The following BTG4 variants were observed in gnomAD, a reference collection of about 807,000 sequenced individuals.
BTG4 encodes the protein BTG anti-proliferation factor 4, also known as protein BTG4.
Under a neutral mutation model 19.3 loss-of-function variants are expected in BTG4, and 10 were observed. The ratio of observed to expected loss-of-function variants is 0.52; its 90% CI spans 0.32 to 0.88. The LOEUF is 0.88. Among genes scored for constraint, BTG4 ranks in the 40% least tolerant of loss-of-function variants. BTG4 has a pLI of 0.04. For synonymous variants in BTG4, 91 were observed against 95.7 expected (o/e 0.95, Z 0.29); for missense variants, 238 against 281.9 (o/e 0.84, Z 1.11).
downstream of BTG4, among the ~76,000 whole-genome samples, chr11:111,465,413 G>C (rs1244246819): frequency 2.0e-5 from 3 of 152,024 alleles, no homozygotes; most frequent in African/African-American, 7.3e-5. Context: ...GACAAAAGAA[G>C]AATAAAAATT....
At chr11:111,444,807 A>G in the BTG4 span, among the ~76,000 whole-genome samples, 1 of 152,188 alleles carries the variant, frequency 6.6e-6, no homozygotes, top group Non-Finnish European at 1.5e-5. Flanking sequence ...AATGGTGGAA[A>G]GAGGGTGGCT....
chr11:111,467,457 G>A (rs1863788516), downstream of BTG4: 4 of 491,652 alleles, frequency 8.1e-6, no homozygotes, highest in African/African-American at 2.0e-5. Context: ...ATGCCCCAAT[G>A]CATTTACTTC....
chr11:111,482,641 A>G (rs1023687324), intron 5 of BTG4, among the ~76,000 whole-genome samples: 11 of 152,196 alleles, frequency 7.2e-5, no homozygotes, highest in Non-Finnish European at 1.3e-4. Context: ...ACCCACAGTG[A>G]TATACTCAAC....
At chr11:111,442,229 G>A in the BTG4 span, among the ~76,000 whole-genome samples, 10 of 151,824 alleles carry the variant, frequency 6.6e-5, no homozygotes, top group Admixed American at 2.0e-4. Flanking sequence ...GATCAGGTGC[G>A]GTGGCTCACG....
At chr11:111,501,621 A>G (rs1300654450) in intron 1 of BTG4, among the ~76,000 whole-genome samples, 1 of 152,242 alleles carries the variant, frequency 6.6e-6, no homozygotes, top group Non-Finnish European at 1.5e-5. Flanking sequence ...CAGTAGACAA[A>G]TTATAGGTAA....
At chr11:111,398,751 G>T in the BTG4 span, among the ~76,000 whole-genome samples, 664 of 152,152 alleles carry the variant, frequency 4.4e-3, 4 homozygotes, top group African/African-American at 0.015. Flanking sequence ...GTCAGGCCTG[G>T]TGGTGAGTGA....
At chr11:111,513,847 ATT>A (rs543046119), upstream of BTG4, among the ~76,000 whole-genome samples, 33 of 152,322 alleles carry the variant, frequency 2.2e-4, no homozygotes, top group South Asian at 1.7e-3. Flanking sequence ...TGAAAGTAAT[ATT>A]GTTAGTAATA....
chr11:111,446,624 A>AACACACACACACACACACAC, the BTG4 span, among the ~76,000 whole-genome samples: 23 of 146,842 alleles, frequency 1.6e-4, no homozygotes, highest in Admixed American at 5.4e-4. Flanking sequence ...GACACCAATA[A>AACACACACACACACACACAC]ACACACACAC....
intron 1 of BTG4, among the ~76,000 whole-genome samples, chr11:111,506,236 G>T: frequency 6.6e-6 from 1 of 151,950 alleles, no homozygotes; most frequent in East Asian, 1.9e-4. Context: ...CTACATGTCT[G>T]CCAACTGTTG....
rs535796125 is a variant in BTG4, at chr11:111,485,871, AG to A, written c.662+9291del. Reference sequence around the variant, plus strand: ...GATTAAGAAAAAAGATCTTTCCTGTAGGAGTAGCTAAAAAGGAAAAAAGAGA... The same window carrying A: ...GATTAAGAAAAAAGATCTTTCCTGTAGAGTAGCTAAAAAGGAAAAAAGAGA... On this transcript the variant is annotated intron_variant, in intron 5 of 5. Transcript: ENST00000356018. 9.8e-5 allele frequency among the ~76,000 whole-genome samples: 15 copies of A among 152,310 alleles called. No homozygotes were observed. The South Asian group carries it at 2.9e-3, about 29-fold the overall frequency.
the BTG4 span, chr11:111,418,033 C>G: frequency 6.6e-6 from 1 of 152,214 alleles, no homozygotes; most frequent in Admixed American, 6.5e-5. Context: ...TGGCTGTGTT[C>G]CTGTTGTTAT....
the BTG4 span, among the ~76,000 whole-genome samples, chr11:111,405,813 G>A: frequency 2.0e-5 from 3 of 152,140 alleles, no homozygotes; most frequent in African/African-American, 7.2e-5. Flanking sequence ...ACCTCTCTGT[G>A]CCTTAGTTTT....
chr11:111,441,043 T>C, the BTG4 span, among the ~76,000 whole-genome samples: 1 of 151,852 alleles, frequency 6.6e-6, no homozygotes, highest in African/African-American at 2.4e-5. Flanking sequence ...GTGGCAGTCA[T>C]CTGGCAGAGT....
chr11:111,446,308 A>G, the BTG4 span, among the ~76,000 whole-genome samples: 4 of 152,208 alleles, frequency 2.6e-5, no homozygotes, highest in Admixed American at 1.3e-4. Flanking sequence ...TCTTAACACA[A>G]TAAGTGGGGT....
the BTG4 span, among the ~76,000 whole-genome samples, chr11:111,392,919 A>G: frequency 1.3e-5 from 2 of 152,200 alleles, no homozygotes; most frequent in South Asian, 2.1e-4. Context: ...TGCCTGGCAA[A>G]TAGTAAGCAC....
chr11:111,428,562 A>G, the BTG4 span, among the ~76,000 whole-genome samples: 6 of 152,122 alleles, frequency 3.9e-5, no homozygotes, highest in Non-Finnish European at 7.4e-5. Context: ...GGGGAGAAAA[A>G]CAATCAGGTA....
At chr11:111,394,389 T>C in the BTG4 span, among the ~76,000 whole-genome samples, 1 of 152,222 alleles carries the variant, frequency 6.6e-6, no homozygotes, top group Non-Finnish European at 1.5e-5. Context: ...CCCCATACTG[T>C]TCTTGTGGCC....
intron 5 of BTG4, among the ~76,000 whole-genome samples, chr11:111,479,110 G>T (rs952696906): frequency 3.2e-4 from 48 of 152,126 alleles, no homozygotes; most frequent in African/African-American, 1.1e-3. Flanking sequence ...AATCTTGAAA[G>T]CAGCCAGAGA....
At chr11:111,480,797 C>T (rs2135572049) in intron 5 of BTG4, among the ~76,000 whole-genome samples, 1 of 151,542 alleles carries the variant, frequency 6.6e-6, no homozygotes, top group East Asian at 1.9e-4. Flanking sequence ...ACAGCTAAAG[C>T]AGTGCTGAGA....
Sources: allele counts gnomAD v4.1 joint callset (sites outside exome capture counted in the v4.1 genomes callset), GRCh38; gene constraint gnomAD v4.1.1; transcripts MANE v1.5; gene names NCBI Gene and HGNC (gene_info 2026-07-23, HGNC 2026-07-21).